RFX4: variants seen among roughly 807,000 people sequenced by gnomAD.
The protein encoded by RFX4 is transcription factor RFX4.
A neutral mutation model predicts 95.0 loss-of-function variants in RFX4; 10 were observed. The observed-to-expected ratio is 0.11, with a 90% CI of 0.06 to 0.18. The LOEUF (loss-of-function observed/expected upper bound fraction) is 0.18. Ranked by LOEUF, RFX4 falls within the 10% of genes least tolerant of loss-of-function variation. RFX4 has a pLI of 1.00. For missense variants in RFX4, 640 were observed against 922.0 expected, an observed-to-expected ratio of 0.69 and a Z score of 3.96; for synonymous variants, 321 against 340.7, an observed-to-expected ratio of 0.94 and a Z score of 0.64.
intron 2 of RFX4, among the ~76,000 whole-genome samples, chr12:106,629,339 C>T (rs911936956): frequency 2.0e-5 from 3 of 152,144 alleles, no homozygotes; most frequent in South Asian, 2.1e-4. Context: ...TGCATCGTTT[C>T]GGATGTGTCC....
rs2039396024 is a variant in RFX4 at position 106,583,053 on chromosome 12, C to A, written c.-268C>A. On this transcript the variant is annotated 5_prime_UTR_variant, in exon 1 of 18. Transcript: ENST00000392842. ...TTGCCCGGCTGGATTACTGAGTGTC[C>A]CCTTGCTCGCTCGCTTTTTCTCTCT... 4.7e-6 allele frequency: 2 copies of A among 425,118 alleles called. No individual in the cohort carries two copies. The highest frequency in any genetic ancestry group is 8.2e-6 in the Non-Finnish European group (2 of 243,102). 26.3% of individuals were successfully genotyped at this position (425,118 alleles called of 1,614,324 possible).
chr12:106,692,462 G>T (rs10746063), intron 7 of RFX4, among the ~76,000 whole-genome samples: 54,750 of 151,778 alleles, frequency 0.36, 9,955 homozygotes, highest in African/African-American at 0.42. Context: ...AGCCTTCCAA[G>T]CCTGGTACAC....
intron 10 of RFX4, among the ~76,000 whole-genome samples, chr12:106,712,951 A>G (rs2042219364): frequency 6.6e-6 from 1 of 152,146 alleles, no homozygotes. Context: ...ATGCACATGT[A>G]GATAAAAGCG....
At chr12:106,703,401 A>G (rs2042027206) in intron 8 of RFX4, among the ~76,000 whole-genome samples, 1 of 152,232 alleles carries the variant, frequency 6.6e-6, no homozygotes, top group Non-Finnish European at 1.5e-5. Flanking sequence ...TTTCTGCATT[A>G]TTCAAATGTT....
intron 4 of RFX4, among the ~76,000 whole-genome samples, chr12:106,666,266 T>C (rs1284453156): frequency 6.6e-6 from 1 of 152,100 alleles, no homozygotes; most frequent in Non-Finnish European, 1.5e-5. Flanking sequence ...CTTTGTCCTA[T>C]ATAGGTAACA....
intron 5 of RFX4, 200 bp downstream of exon 5, chr12:106,682,254 C>A (rs759865442): frequency 5.2e-6 from 3 of 576,332 alleles, no homozygotes; most frequent in African/African-American, 3.7e-5. Context: ...AAGCCCAAGA[C>A]GAGTTGGCTC....
chr12:106,747,748 T>C, intron 16 of RFX4, 149 bp downstream of exon 16: 1 of 753,802 alleles, frequency 1.3e-6, no homozygotes, highest in Non-Finnish European at 2.1e-6. Context: ...GCCAACGTGG[T>C]GAAACCCTGT....
chr12:106,628,798 G>A (rs1342827776), intron 2 of RFX4, among the ~76,000 whole-genome samples: 1 of 131,764 alleles, frequency 7.6e-6, no homozygotes, highest in African/African-American at 2.9e-5. Flanking sequence ...GTCTCGCTCT[G>A]TCACAGGCTG....
intron 8 of RFX4, among the ~76,000 whole-genome samples, chr12:106,701,546 A>G (rs2041991392): frequency 6.6e-6 from 1 of 151,714 alleles, no homozygotes; most frequent in Admixed American, 6.6e-5. Flanking sequence ...CGGATGCTTG[A>G]TTTTGCTTTT....
intron 11 of RFX4, among the ~76,000 whole-genome samples, chr12:106,716,245 G>A (rs757032675): frequency 3.9e-5 from 6 of 152,056 alleles, no homozygotes; most frequent in East Asian, 1.9e-4. Flanking sequence ...ATCCATAGGC[G>A]TCTACAGGCT....
intron 13 of RFX4, among the ~76,000 whole-genome samples, chr12:106,729,923 G>C (rs190889764): frequency 6.6e-6 from 1 of 152,196 alleles, no homozygotes. Context: ...TTTAGTTTTA[G>C]AGACTGCATC....
intron 2 of RFX4, among the ~76,000 whole-genome samples, chr12:106,609,828 C>T (rs2039920157): frequency 6.6e-6 from 1 of 152,114 alleles, no homozygotes. Context: ...CAGGAGGCTT[C>T]CTCATGTCTC....
At chr12:106,604,867 A>G (rs1257441136) in intron 1 of RFX4, among the ~76,000 whole-genome samples, 1 of 152,250 alleles carries the variant, frequency 6.6e-6, no homozygotes, top group African/African-American at 2.4e-5. Context: ...AAAATGCTGC[A>G]GAATTGGCAC....
chr12:106,702,484 T>A (rs2042010321), intron 8 of RFX4, among the ~76,000 whole-genome samples: 1 of 152,234 alleles, frequency 6.6e-6, no homozygotes, highest in Non-Finnish European at 1.5e-5. Flanking sequence ...TTAATGTGCC[T>A]ACTCCTTTAC....
Position 106,622,523 on chromosome 12 carries a change from G to A in RFX4, c.130+13640G>A, listed in dbSNP as rs943201341. Among the ~76,000 whole-genome samples, 8 of 152,002 alleles carry A rather than the reference G, an allele frequency of 5.3e-5. No individual in the cohort carries two copies. The South Asian group carries it at 1.7e-3, about 32-fold the overall frequency. On this transcript the variant is annotated intron_variant, in intron 2 of 17. Transcript: ENST00000392842. ...CTTTCTCACAATAGTCCAAAGAGGT[G>A]GCTTATGATTATGAGCTTTTGCTTA... is the stretch of plus-strand genomic sequence containing the variant.
At chr12:106,722,335 C>T (rs2042411845) in intron 13 of RFX4, among the ~76,000 whole-genome samples, 2 of 152,338 alleles carry the variant, frequency 1.3e-5, no homozygotes, top group East Asian at 1.9e-4. Flanking sequence ...ATCCTTTACT[C>T]TTCAATTTGC....
intron 4 of RFX4, among the ~76,000 whole-genome samples, chr12:106,665,284 A>G (rs759115069): frequency 1.3e-4 from 19 of 151,954 alleles, no homozygotes; most frequent in Non-Finnish European, 2.2e-4. Context: ...AGTATGCTCC[A>G]TATGAAATTA....
At chr12:106,747,927 T>TA (rs10624179) in intron 16 of RFX4, among the ~76,000 whole-genome samples, 1,351 of 126,324 alleles carry the variant, frequency 0.011, 24 homozygotes, top group African/African-American at 0.032. Context: ...GACGCCGTCT[T>TA]AAAAAAAAAA....
chr12:106,683,877 C>A (rs952036038), intron 5 of RFX4: 1 of 152,092 alleles, frequency 6.6e-6, no homozygotes, highest in Non-Finnish European at 1.5e-5. Context: ...TTTTCTTTTT[C>A]TTTAACCTCG....
Sources: gnomAD v4.1 joint callset for allele counts (sites outside exome capture counted in the v4.1 genomes callset) on GRCh38, gnomAD v4.1.1 for gene constraint, MANE v1.5 for transcripts, NCBI Gene and HGNC (gene_info 2026-07-23, HGNC 2026-07-21) for gene names.